ADAMTS18: variants seen among roughly 807,000 people sequenced by gnomAD.
ADAMTS18 encodes ADAM metallopeptidase with thrombospondin type 1 motif 18, also known as A disintegrin and metalloproteinase with thrombospondin motifs 18.
Under a neutral mutation model 165.9 loss-of-function variants are expected in ADAMTS18, and 157 were observed. That is an observed-to-expected ratio of 0.95 (90% confidence interval 0.83 to 1.08). The LOEUF (loss-of-function observed/expected upper bound fraction) is 1.08. Among genes scored for constraint, ADAMTS18 ranks in the 50% least tolerant of loss-of-function variants. ADAMTS18 has a pLI of 0.00. For synonymous variants in ADAMTS18, 782 were observed against 578.2 expected, an observed-to-expected ratio of 1.35 and a Z score of -5.06; for missense variants, 2,040 against 1,534.0, an observed-to-expected ratio of 1.33 and a Z score of -5.51.
chr16:77,425,848 G>C (rs1301851028), intron 3 of ADAMTS18, among the ~76,000 whole-genome samples: 1 of 152,086 alleles, frequency 6.6e-6, no homozygotes, highest in African/African-American at 2.4e-5. Context: ...TTCAACACCA[G>C]CCTGGCCAAA....
chr16:77,424,468 CA>C (rs4038057), intron 3 of ADAMTS18, among the ~76,000 whole-genome samples: 339 of 107,686 alleles, frequency 3.1e-3, no homozygotes, highest in South Asian at 9.4e-3. Context: ...AACTCCATCT[CA>C]AAAAAAAAAA....
chr16:77,344,143 GTA>G (rs1041773960), intron 10 of ADAMTS18, among the ~76,000 whole-genome samples: 1 of 133,242 alleles, frequency 7.5e-6, no homozygotes, highest in African/African-American at 2.8e-5. Context: ...ACATATATAT[GTA>G]TGTGTGTGTG....
chr16:77,389,206 G>A (rs2057151919), intron 3 of ADAMTS18, among the ~76,000 whole-genome samples: 1 of 152,188 alleles, frequency 6.6e-6, no homozygotes. Flanking sequence ...GAAGGAGGCT[G>A]AAGCAGGAGT....
At chr16:77,349,307 C>G (rs1313684233) in intron 10 of ADAMTS18, among the ~76,000 whole-genome samples, 2 of 151,972 alleles carry the variant, frequency 1.3e-5, no homozygotes, top group African/African-American at 4.8e-5. Flanking sequence ...CACACCTCCC[C>G]CATATTTTGC....
At chr16:77,420,718 A>C (rs1368314277) in intron 3 of ADAMTS18, among the ~76,000 whole-genome samples, 1 of 152,230 alleles carries the variant, frequency 6.6e-6, no homozygotes, top group Non-Finnish European at 1.5e-5. Flanking sequence ...TTAAAGAGTG[A>C]AAGTATATTG....
chr16:77,393,979 T>A (rs975844725), intron 3 of ADAMTS18, among the ~76,000 whole-genome samples: 1 of 152,198 alleles, frequency 6.6e-6, no homozygotes, highest in Admixed American at 6.5e-5. Context: ...GAACCATACA[T>A]GTGGTCTAAT....
intron 10 of ADAMTS18, among the ~76,000 whole-genome samples, chr16:77,346,797 C>T (rs1302399204): frequency 6.6e-6 from 1 of 152,094 alleles, no homozygotes; most frequent in East Asian, 1.9e-4. Context: ...GCCCCGATGC[C>T]ATTTTAAAAA....
intron 17 of ADAMTS18, 49 bp downstream of exon 17, chr16:77,300,214 C>T: frequency 1.2e-6 from 2 of 1,610,408 alleles, no homozygotes; most frequent in South Asian, 2.2e-5. Context: ...GTGAAAGAAC[C>T]TGTTTTAAGA....
intron 11 of ADAMTS18, 21 bp downstream of exon 11, chr16:77,341,683 A>G: frequency 1.2e-6 from 2 of 1,604,712 alleles, no homozygotes; most frequent in Non-Finnish European, 1.7e-6. Context: ...GGAGCTAAAA[A>G]CTAACAAGTA....
At chr16:77,322,562 C>T in intron 13 of ADAMTS18, 96 bp from the exon 14 acceptor site, 1 of 1,471,298 alleles carries the variant, frequency 6.8e-7, no homozygotes. Context: ...ACTTAGAAAG[C>T]TATCATGATG....
chr16:77,341,278 C>T (rs947668139), intron 11 of ADAMTS18, among the ~76,000 whole-genome samples: 1 of 152,124 alleles, frequency 6.6e-6, no homozygotes, highest in African/African-American at 2.4e-5. Context: ...ATCTATAGGG[C>T]ATGTCAAAAG....
At chr16:77,341,559 T>G in intron 11 of ADAMTS18, 145 bp downstream of exon 11, 1 of 710,864 alleles carries the variant, frequency 1.4e-6, no homozygotes, top group Non-Finnish European at 2.5e-6. Flanking sequence ...GCTTTGTAAT[T>G]GCTGCTATAT....
chr16:77,324,080 G>T (rs2056051969), intron 13 of ADAMTS18, among the ~76,000 whole-genome samples: 1 of 152,172 alleles, frequency 6.6e-6, no homozygotes, highest in African/African-American at 2.4e-5. Flanking sequence ...TAACAGGACT[G>T]ATTTCATAAA....
intron 16 of ADAMTS18, among the ~76,000 whole-genome samples, chr16:77,314,210 G>T (rs1429997675): frequency 1.3e-5 from 2 of 152,114 alleles, no homozygotes; most frequent in African/African-American, 2.4e-5. Context: ...AACGATCAAG[G>T]CTGCAAACTC....
intron 4 of ADAMTS18, among the ~76,000 whole-genome samples, chr16:77,365,778 A>T (rs1311794557): frequency 6.6e-6 from 1 of 152,384 alleles, no homozygotes; most frequent in East Asian, 1.9e-4. Flanking sequence ...CAGCCGTAAT[A>T]GTGAAACTAG....
At chr16:77,384,383 C>T (rs1327921084) in intron 3 of ADAMTS18, among the ~76,000 whole-genome samples, 1 of 152,186 alleles carries the variant, frequency 6.6e-6, no homozygotes. Flanking sequence ...CTCTCTTTCC[C>T]TGTAACATAA....
chr16:77,319,984 G>A lies in ADAMTS18; in HGVS notation c.2397C>T (p.Tyr799=), dbSNP rs561415669. ...LAVRSLSQKY[Y]LTGGWSIDWP... Reference sequence around the variant, plus strand: ...AGTCGATGCTCCAGCCCCCGGTGAGGTAATACTTTTGACTGAGGCTTCGAA... The same window carrying A: ...AGTCGATGCTCCAGCCCCCGGTGAGATAATACTTTTGACTGAGGCTTCGAA... The change falls in exon 16 of 23, where the codon TAC becomes TAT. Residue 799 remains tyrosine (Y), a synonymous_variant. Transcript: ENST00000282849. The A allele has an allele frequency of 1.2e-6, 2 of 1,614,178 alleles. No individual in the cohort carries two copies. The highest frequency in any genetic ancestry group is 1.7e-5 in the Admixed American group (1 of 60,028).
intron 3 of ADAMTS18, among the ~76,000 whole-genome samples, chr16:77,384,013 T>A (rs1311540897): frequency 6.6e-6 from 1 of 152,110 alleles, no homozygotes; most frequent in East Asian, 1.9e-4. Context: ...CACGCAGCTG[T>A]TTCCTTCTGT....
chr16:77,356,098 C>G, intron 8 of ADAMTS18, 21 bp from the exon 9 acceptor site: 2 of 1,613,922 alleles, frequency 1.2e-6, no homozygotes, highest in South Asian at 1.1e-5. Flanking sequence ...ATGAAGAAAA[C>G]AAAATCCTGC....
Sources: allele counts gnomAD v4.1 joint callset (sites outside exome capture counted in the v4.1 genomes callset), GRCh38; gene constraint gnomAD v4.1.1; transcripts MANE v1.5; gene names NCBI Gene and HGNC (gene_info 2026-07-23, HGNC 2026-07-21).